The following SLCO1B3 variants were observed in gnomAD, a reference collection of about 807,000 sequenced individuals.
The protein encoded by SLCO1B3 is liver-specific organic anion transporter 2.
A neutral mutation model predicts 71.8 loss-of-function variants in SLCO1B3; 72 were observed. That is an observed-to-expected ratio of 1.00 (90% CI 0.83 to 1.22). SLCO1B3 has a LOEUF of 1.22. Ranked by LOEUF, SLCO1B3 falls within the 50% of genes most tolerant of loss-of-function variation. The pLI, the probability that SLCO1B3 is intolerant of heterozygous loss-of-function variation, is 0.00. For missense variants in SLCO1B3, 911 were observed against 819.7 expected (o/e 1.11, Z -1.36); for synonymous variants, 298 against 278.4 (o/e 1.07, Z -0.70).
In SLCO1B3 at chr12:20,916,594, T is replaced by TA. The variant is rs397689574; in HGVS notation, c.*355dup. 0.3 allele frequency: 47,568 copies of TA among 156,734 alleles called. 7,523 individuals carry two copies. The highest frequency in any genetic ancestry group is 0.36 in the Admixed American group (5,561 of 15,664). 9.7% of individuals were successfully genotyped at this position (156,734 alleles called of 1,614,324 possible). ...AATAAAGAGAAAAGCCTGATGCCTT[T>TA]AAAAAAAATGAAACACTTTGGATGT... On this transcript the variant is annotated 3_prime_UTR_variant, in exon 16 of 16. Coordinates refer to ENST00000381545, the MANE Select transcript of SLCO1B3 (RefSeq NM_019844.4).
intron 15 of SLCO1B3, among the ~76,000 whole-genome samples, chr12:20,914,340 C>T (rs9651814): frequency 6.6e-6 from 1 of 151,946 alleles, no homozygotes; most frequent in Non-Finnish European, 1.5e-5. Flanking sequence ...TAGAACTAAT[C>T]CAAGTTTATA....
chr12:20,826,404 T>C (rs1275240771), intron 3 of SLCO1B3, among the ~76,000 whole-genome samples: 1 of 151,868 alleles, frequency 6.6e-6, no homozygotes, highest in African/African-American at 2.4e-5. Flanking sequence ...AATTAAAATC[T>C]CTTGTAATTT....
At chr12:20,826,899 T>A (rs1864435584) in intron 3 of SLCO1B3, among the ~76,000 whole-genome samples, 1 of 152,040 alleles carries the variant, frequency 6.6e-6, no homozygotes, top group Admixed American at 6.6e-5. Context: ...TCTCCCTATA[T>A]TTTTTTAAAT....
intron 3 of SLCO1B3, among the ~76,000 whole-genome samples, chr12:20,833,429 G>A (rs1350123806): frequency 6.7e-6 from 1 of 148,904 alleles, no homozygotes; most frequent in Non-Finnish European, 1.5e-5. Context: ...GTTTATATAT[G>A]TTTACTATAT....
At chr12:20,881,567 T>G (rs756838741) in intron 12 of SLCO1B3, among the ~76,000 whole-genome samples, 1 of 152,210 alleles carries the variant, frequency 6.6e-6, no homozygotes, top group Non-Finnish European at 1.5e-5. Context: ...GATTTCCTAT[T>G]TTGATGTTCC....
chr12:20,860,202 G>A (rs931450814), intron 5 of SLCO1B3, among the ~76,000 whole-genome samples: 8 of 152,092 alleles, frequency 5.3e-5, no homozygotes, highest in South Asian at 2.1e-4. Context: ...TGATCTGCCC[G>A]CCTCCACCTC....
chr12:20,832,399 G>A (rs1205718217), intron 3 of SLCO1B3, among the ~76,000 whole-genome samples: 1 of 151,960 alleles, frequency 6.6e-6, no homozygotes, highest in East Asian at 1.9e-4. Flanking sequence ...GAATCTGCCA[G>A]TGTATACTTC....
chr12:20,862,461 G>A lies in SLCO1B3; in HGVS notation c.531G>A (p.Gly177=), dbSNP rs979933156. The A allele has an allele frequency of 1.2e-6, 2 of 1,613,170 alleles. No individual in the cohort carries two copies. Among genetic ancestry groups the A allele is most frequent in the South Asian group, 1.1e-5 (1 of 90,962 alleles). The part of the protein sequence containing the change: ...GSHMWIYVFM[G]NMLRGIGETP... ...ACATGTGGATCTATGTCTTCATGGG[G>A]AATATGCTTCGTGGCATAGGGGAAA... is the stretch of plus-strand genomic sequence containing the variant. Residue 177 remains glycine, a synonymous_variant, in exon 7 of 16, where the codon GGG becomes GGA. Transcript: ENST00000381545.
chr12:20,863,976 A>G (rs1163463507), intron 8 of SLCO1B3, among the ~76,000 whole-genome samples: 2 of 151,928 alleles, frequency 1.3e-5, no homozygotes, highest in African/African-American at 4.8e-5. Flanking sequence ...CTAAAACTCA[A>G]CCTGTGAAAA....
chr12:20,822,789 T>C lies in SLCO1B3; in HGVS notation c.84+6967T>C, dbSNP rs527549642. Among the ~76,000 whole-genome samples, 49 of 152,370 alleles carry C rather than the reference T, an allele frequency of 3.2e-4. No homozygotes were observed. The South Asian group carries it at 6.2e-3, about 19-fold the overall frequency. ...AAATATTTAACCTTTTATCTGTAGCTATCTGCTTAAGGAAGGGCATCTTTT... is the reference window on the plus strand; with the variant it reads ...AAATATTTAACCTTTTATCTGTAGCCATCTGCTTAAGGAAGGGCATCTTTT... On this transcript the variant is annotated intron_variant, in intron 3 of 15. Coordinates refer to ENST00000381545, the MANE Select transcript of SLCO1B3 (RefSeq NM_019844.4).
intron 8 of SLCO1B3, among the ~76,000 whole-genome samples, chr12:20,874,603 T>C (rs906524930): frequency 1.3e-5 from 2 of 152,336 alleles, no homozygotes; most frequent in East Asian, 1.9e-4. Flanking sequence ...ATTACTCTTA[T>C]ACATACTTTA....
intron 15 of SLCO1B3, among the ~76,000 whole-genome samples, chr12:20,914,056 G>A (rs1352256694): frequency 6.6e-6 from 1 of 152,080 alleles, no homozygotes; most frequent in African/African-American, 2.4e-5. Flanking sequence ...GAGCCACCAT[G>A]CCTGGCTTAT....
chr12:20,875,440 GACCA>G lies in SLCO1B3; in HGVS notation c.939_942del (p.Asn313LysfsTer9). 6.2e-7 allele frequency: 1 copy of G among 1,602,012 alleles called. No homozygotes were observed. Among genetic ancestry groups the G allele is most frequent in the Non-Finnish European group, 8.5e-7 (1 of 1,177,404 alleles). Reference sequence around the variant, plus strand: ...ATGATAGAAATCAAACAGCTAATTTGACCAACCAAGGAAAAAATGTTACCAAAAA... The same window carrying G: ...ATGATAGAAATCAAACAGCTAATTTGACCAAGGAAAAAATGTTACCAAAAA... On this transcript the variant is annotated frameshift_variant, in exon 9 of 16. Transcript: ENST00000381545. LOFTEE classifies it high-confidence loss of function.
intron 3 of SLCO1B3, among the ~76,000 whole-genome samples, chr12:20,843,306 A>C (rs1591756549): frequency 6.6e-6 from 1 of 152,158 alleles, no homozygotes; most frequent in Non-Finnish European, 1.5e-5. Flanking sequence ...CAAATCTCAC[A>C]CAATATCTTC....
intron 3 of SLCO1B3, among the ~76,000 whole-genome samples, chr12:20,843,350 T>C (rs1489469912): frequency 6.6e-6 from 1 of 152,218 alleles, no homozygotes; most frequent in Non-Finnish European, 1.5e-5. Flanking sequence ...AAGTATATCT[T>C]CCGAATTTGA....
intron 13 of SLCO1B3, among the ~76,000 whole-genome samples, chr12:20,897,246 T>A (rs1268607206): frequency 5.9e-5 from 9 of 152,356 alleles, no homozygotes; most frequent in Non-Finnish European, 1.0e-4. Context: ...AATAGATAAC[T>A]ATTTTAGATT....
chr12:20,888,629 A>C (rs1483581296), intron 13 of SLCO1B3, among the ~76,000 whole-genome samples: 2 of 152,010 alleles, frequency 1.3e-5, no homozygotes, highest in Non-Finnish European at 2.9e-5. Flanking sequence ...TTATATCATA[A>C]GTGAAGAGGA....
rs1005768206 is a variant in SLCO1B3, at chr12:20,916,325, C to G, written c.*78C>G. On this transcript the variant is annotated 3_prime_UTR_variant, in exon 16 of 16. Transcript: ENST00000381545. ...TGACAATTCCAACATTCTTTACTTA[C>G]AGTGGACCAATGGATAAGTCTATGC... 2.2e-6 allele frequency: 3 copies of G among 1,375,236 alleles called. No homozygotes were observed. The African/African-American group carries it at 4.3e-5, about 20-fold the overall frequency. 85.2% of individuals were successfully genotyped at this position (1,375,236 alleles called of 1,614,324 possible). A position where few individuals can be genotyped will look rare whatever the true frequency, so the allele number is the denominator to read the frequency against.
chr12:20,825,481 C>T (rs938860693), intron 3 of SLCO1B3, among the ~76,000 whole-genome samples: 1 of 151,790 alleles, frequency 6.6e-6, no homozygotes, highest in Non-Finnish European at 1.5e-5. Context: ...CTTTTTAGAC[C>T]CAGAAGTAAA....
Sources: allele counts gnomAD v4.1 joint callset (sites outside exome capture counted in the v4.1 genomes callset), GRCh38; gene constraint gnomAD v4.1.1; transcripts MANE v1.5; gene names NCBI Gene and HGNC (gene_info 2026-07-23, HGNC 2026-07-21).